Variants in SYT1 observed in about 807,000 individuals in gnomAD.
SYT1 encodes synaptotagmin 1.
Under a neutral mutation model 44.8 loss-of-function variants are expected in SYT1, and 8 were observed. The ratio of observed to expected loss-of-function variants is 0.18; its 90% confidence interval spans 0.10 to 0.32. SYT1 has a LOEUF of 0.32. Among genes scored for constraint, SYT1 ranks in the 10% least tolerant of loss-of-function variants. SYT1 has a pLI of 1.00. For synonymous variants in SYT1, 154 were observed against 188.8 expected (o/e 0.82, Z 1.51); for missense variants, 286 against 509.3 (o/e 0.56, Z 4.22).
At chr12:79,130,058 A>G (rs1348215705) in intron 3 of SYT1, among the ~76,000 whole-genome samples, 1 of 152,204 alleles carries the variant, frequency 6.6e-6, no homozygotes, top group South Asian at 2.1e-4. Context: ...AACTTTTTTC[A>G]TTGTACATAA....
At chr12:79,263,106 T>C (rs1565881060) in intron 4 of SYT1, among the ~76,000 whole-genome samples, 1 of 152,202 alleles carries the variant, frequency 6.6e-6, no homozygotes, top group Non-Finnish European at 1.5e-5. Flanking sequence ...CAATGCGTGA[T>C]AGGACTTCAA....
intron 1 of SYT1, among the ~76,000 whole-genome samples, chr12:78,973,559 T>C (rs1868530026): frequency 6.6e-6 from 1 of 152,094 alleles, no homozygotes; most frequent in Non-Finnish European, 1.5e-5. Context: ...TTCCACTACA[T>C]ATTGCAGTAT....
intron 2 of SYT1, among the ~76,000 whole-genome samples, chr12:79,036,313 T>C (rs1426283094): frequency 6.6e-6 from 1 of 151,770 alleles, no homozygotes; most frequent in Non-Finnish European, 1.5e-5. Context: ...AAGGAAGCCA[T>C]TGTTGGTATG....
intron 3 of SYT1, among the ~76,000 whole-genome samples, chr12:79,132,882 G>T (rs1025865041): frequency 2.0e-5 from 3 of 151,900 alleles, no homozygotes; most frequent in African/African-American, 4.8e-5. Context: ...AGAATATGTG[G>T]TATATATACA....
At chr12:79,288,436 A>AT (rs1271618821) in intron 5 of SYT1, among the ~76,000 whole-genome samples, 1 of 152,126 alleles carries the variant, frequency 6.6e-6, no homozygotes, top group Non-Finnish European at 1.5e-5. Context: ...ATATCTATAT[A>AT]TAGGCTCTAT....
chr12:78,931,291 G>A (rs1352885864), intron 1 of SYT1, among the ~76,000 whole-genome samples: 1 of 88,750 alleles, frequency 1.1e-5, no homozygotes, highest in East Asian at 4.1e-4. Context: ...AGGAAGGAAG[G>A]AAGGAAGGAA....
At chr12:79,240,239 AAGGCAAT>A (rs1876423180) in intron 4 of SYT1, among the ~76,000 whole-genome samples, 1 of 152,194 alleles carries the variant, frequency 6.6e-6, no homozygotes, top group East Asian at 1.9e-4. Context: ...ACTTTATGAA[AAGGCAAT>A]AGATTACCTT....
chr12:79,047,143 A>G lies in SYT1; in HGVS notation c.-83-154A>G, dbSNP rs563841466. Among the ~76,000 whole-genome samples, 12 of 151,824 alleles carry G rather than the reference A, an allele frequency of 7.9e-5. No individual in the cohort carries two copies. The East Asian group carries it at 2.3e-3, about 29-fold the overall frequency. On this transcript the variant is annotated intron_variant, in intron 2 of 10. Coordinates refer to ENST00000261205, the MANE Select transcript of SYT1 (RefSeq NM_005639.3). Reference sequence around the variant, plus strand: ...AATCCAAACTATCTGTATTATATATACTAAATATGGATATATATGACATTA... The same window carrying G: ...AATCCAAACTATCTGTATTATATATGCTAAATATGGATATATATGACATTA...
At chr12:79,159,354 A>G (rs1870803948) in intron 3 of SYT1, among the ~76,000 whole-genome samples, 1 of 152,182 alleles carries the variant, frequency 6.6e-6, no homozygotes, top group African/African-American at 2.4e-5. Context: ...AGAAAGAGGA[A>G]ACAGAAGACA....
intron 3 of SYT1, among the ~76,000 whole-genome samples, chr12:79,097,940 C>T (rs1302998297): frequency 6.6e-6 from 1 of 151,946 alleles, no homozygotes; most frequent in Admixed American, 6.6e-5. Context: ...ATATTACTCA[C>T]ACATACACAT....
intron 3 of SYT1, among the ~76,000 whole-genome samples, chr12:79,070,502 T>C (rs554677251): frequency 6.6e-6 from 1 of 152,286 alleles, no homozygotes; most frequent in South Asian, 2.1e-4. Flanking sequence ...TTTGCTATTG[T>C]GAATCCATGT....
chr12:79,314,030 G>A (rs933848042), intron 8 of SYT1, among the ~76,000 whole-genome samples: 1 of 150,874 alleles, frequency 6.6e-6, no homozygotes, highest in African/African-American at 2.5e-5. Context: ...TTAGCCGGGC[G>A]TGGTAGCGGG....
At chr12:79,241,696 A>T (rs952399765) in intron 4 of SYT1, among the ~76,000 whole-genome samples, 29 of 152,222 alleles carry the variant, frequency 1.9e-4, no homozygotes, top group African/African-American at 6.8e-4. Flanking sequence ...TTAGAAATGT[A>T]TTTTTTAAAC....
At chr12:79,288,107 CT>C (rs1362751575) in intron 5 of SYT1, among the ~76,000 whole-genome samples, 4 of 152,004 alleles carry the variant, frequency 2.6e-5, no homozygotes, top group African/African-American at 4.8e-5. Flanking sequence ...ATAACCATAG[CT>C]TATGCTACTT....
chr12:79,310,143 G>A (rs1320902440), intron 8 of SYT1, among the ~76,000 whole-genome samples: 1 of 152,028 alleles, frequency 6.6e-6, no homozygotes, highest in Non-Finnish European at 1.5e-5. Context: ...GGTTTTTATG[G>A]TTTTAGGTCT....
At chr12:79,348,129 T>C (rs1393117445) in intron 8 of SYT1, among the ~76,000 whole-genome samples, 1 of 152,136 alleles carries the variant, frequency 6.6e-6, no homozygotes, top group Admixed American at 6.5e-5. Context: ...ACAGATGTTA[T>C]TCTAAGTAAA....
intron 4 of SYT1, among the ~76,000 whole-genome samples, chr12:79,246,878 A>T (rs1031879208): frequency 3.9e-5 from 6 of 152,044 alleles, no homozygotes; most frequent in African/African-American, 1.5e-4. Flanking sequence ...AATTAAGGGG[A>T]TGCCTTGATT....
At chr12:79,281,269 G>A (rs1879038895) in intron 4 of SYT1, among the ~76,000 whole-genome samples, 1 of 152,128 alleles carries the variant, frequency 6.6e-6, no homozygotes, top group Non-Finnish European at 1.5e-5. Flanking sequence ...ATCAATGGAT[G>A]AGTGGATAAA....
At chr12:78,942,875 C>T (rs972857450) in intron 1 of SYT1, among the ~76,000 whole-genome samples, 3 of 152,102 alleles carry the variant, frequency 2.0e-5, no homozygotes, top group African/African-American at 4.8e-5. Flanking sequence ...CAGCCATGAG[C>T]GGAACTCTCA....
Sources: gnomAD v4.1 joint callset for allele counts (sites outside exome capture counted in the v4.1 genomes callset) on GRCh38, gnomAD v4.1.1 for gene constraint, MANE v1.5 for transcripts, NCBI Gene and HGNC (gene_info 2026-07-23, HGNC 2026-07-21) for gene names.